The following IFT57 variants were observed in gnomAD, a reference collection of about 807,000 sequenced individuals.
IFT57 encodes intraflagellar transport 57.
In IFT57, 59 loss-of-function variants were observed where a neutral mutation model predicts 56.8. That is an observed-to-expected ratio of 1.04 (90% CI 0.84 to 1.29). IFT57 has a LOEUF of 1.29. Among genes scored for constraint, IFT57 ranks in the 50% most tolerant of loss-of-function variants. The pLI is 0.00. For missense variants in IFT57, 470 were observed against 522.1 expected, an observed-to-expected ratio of 0.90 and a Z score of 0.97; for synonymous variants, 209 against 186.1, an observed-to-expected ratio of 1.12 and a Z score of -1.00.
intron 6 of IFT57, among the ~76,000 whole-genome samples, chr3:108,174,423 G>A (rs1318245465): frequency 6.9e-6 from 1 of 144,360 alleles, no homozygotes; most frequent in Admixed American, 6.9e-5. Flanking sequence ...ACATTAAAAG[G>A]AACTGTTCAA....
chr3:108,203,831 G>A (rs1253058990), intron 5 of IFT57, among the ~76,000 whole-genome samples: 1 of 152,206 alleles, frequency 6.6e-6, no homozygotes, highest in Non-Finnish European at 1.5e-5. Flanking sequence ...TGAGAGGACA[G>A]AGAATGATTG....
chr3:108,212,526 C>T (rs2080347888), intron 4 of IFT57, among the ~76,000 whole-genome samples: 1 of 152,170 alleles, frequency 6.6e-6, no homozygotes, highest in South Asian at 2.1e-4. Flanking sequence ...TCACCAGAAG[C>T]AGATGCTGGT....
In IFT57 at chr3:108,214,027, A is replaced by T. The variant is rs772008769; in HGVS notation, c.495-6T>A. ...CTTCTACTGGGTATATTGGCCTAAA[A>T]TAATAAGATTAAACATGAGGTGATA... On this transcript the variant is annotated splice_region_variant and splice_polypyrimidine_tract_variant and intron_variant, in intron 3 of 10. Transcript: ENST00000264538. 1 of 1,522,570 alleles carries T rather than the reference A, an allele frequency of 6.6e-7. No individual in the cohort carries two copies. Among genetic ancestry groups the T allele is most frequent in the Non-Finnish European group, 9.1e-7 (1 of 1,098,626 alleles). The allele number at this position is 1,522,570 out of a possible 1,614,324, so 94.3% of individuals were successfully genotyped here. A position where few individuals can be genotyped will look rare whatever the true frequency, so the allele number is the denominator to read the frequency against.
rs141188925 is a variant in IFT57, at chr3:108,176,695, C to T, written c.778-8831G>A. Among the ~76,000 whole-genome samples the T allele has an allele frequency of 3.8e-3, 572 of 151,962 alleles. 5 individuals carry two copies. Among genetic ancestry groups the T allele is most frequent in the African/African-American group, 0.013 (548 of 41,498 alleles). On this transcript the variant is annotated intron_variant, in intron 6 of 10. Coordinates refer to ENST00000264538, the MANE Select transcript of IFT57 (RefSeq NM_018010.4). Reference sequence around the variant, plus strand: ...GTCCCAAAGAAGGATTTATAGGACTCTCCTTCAAACAAAATGCATAAAGCT... The same window carrying T: ...GTCCCAAAGAAGGATTTATAGGACTTTCCTTCAAACAAAATGCATAAAGCT...
intron 6 of IFT57, among the ~76,000 whole-genome samples, chr3:108,179,489 C>T (rs891372758): frequency 6.6e-6 from 1 of 152,006 alleles, no homozygotes; most frequent in African/African-American, 2.4e-5. Flanking sequence ...CTGTCCTCCA[C>T]AGAAAATCCT....
chr3:108,199,454 G>C (rs1285672712), intron 5 of IFT57, among the ~76,000 whole-genome samples: 2 of 152,162 alleles, frequency 1.3e-5, no homozygotes, highest in Non-Finnish European at 2.9e-5. Context: ...ACTGAAATAG[G>C]AATGAATATA....
chr3:108,200,949 G>T (rs2080275531), intron 5 of IFT57, among the ~76,000 whole-genome samples: 1 of 152,086 alleles, frequency 6.6e-6, no homozygotes, highest in Admixed American at 6.6e-5. Context: ...CCAGTTTCTA[G>T]GAAAGGTAAA....
At chr3:108,183,686 T>C (rs162072) in intron 6 of IFT57, among the ~76,000 whole-genome samples, 152,223 of 152,292 alleles carry the variant, frequency 1, 76,077 homozygotes, top group Non-Finnish European at 1. Flanking sequence ...ACAGTAAGCT[T>C]TGAATAAATA....
intron 6 of IFT57, among the ~76,000 whole-genome samples, chr3:108,170,172 TA>T (rs1209631715): frequency 3.3e-5 from 5 of 151,936 alleles, no homozygotes; most frequent in Non-Finnish European, 7.4e-5. Context: ...TAGAAAGAAA[TA>T]AAGGGTATTC....
chr3:108,195,123 GA>G (rs538967676), intron 5 of IFT57, among the ~76,000 whole-genome samples: 1 of 151,658 alleles, frequency 6.6e-6, no homozygotes, highest in Non-Finnish European at 1.5e-5. Context: ...AACTCAGTAG[GA>G]AAAAAACCCA....
At chr3:108,205,807 A>C (rs1168498690) in intron 5 of IFT57, among the ~76,000 whole-genome samples, 1 of 131,216 alleles carries the variant, frequency 7.6e-6, no homozygotes, top group Non-Finnish European at 1.6e-5. Context: ...ACAAAATATT[A>C]TAGCATATTA....
chr3:108,178,924 A>G (rs938432212), intron 6 of IFT57, among the ~76,000 whole-genome samples: 5 of 145,608 alleles, frequency 3.4e-5, no homozygotes, highest in Admixed American at 6.8e-5. Context: ...TCCAGTAGAA[A>G]TGTGTACATA....
chr3:108,214,810 T>C (rs2080362076), intron 3 of IFT57, among the ~76,000 whole-genome samples: 1 of 152,164 alleles, frequency 6.6e-6, no homozygotes, highest in Non-Finnish European at 1.5e-5. Context: ...AGAAAATTAA[T>C]GTTTTGCCTA....
chr3:108,177,275 C>T (rs55843233), intron 6 of IFT57, among the ~76,000 whole-genome samples: 5,340 of 151,634 alleles, frequency 0.035, 140 homozygotes, highest in Non-Finnish European at 0.052. Context: ...ATTATCTTCC[C>T]AAACATTTAA....
At chr3:108,188,802 A>ACT (rs1166917895) in intron 6 of IFT57, among the ~76,000 whole-genome samples, 11 of 152,292 alleles carry the variant, frequency 7.2e-5, no homozygotes, top group African/African-American at 2.6e-4. Flanking sequence ...TTTGTAAAAG[A>ACT]GTGTGTGTTA....
chr3:108,166,860 C>T lies in IFT57; in HGVS notation c.975G>A (p.Leu325=). The T allele has an allele frequency of 2.5e-6, 4 of 1,608,066 alleles. No individual in the cohort carries two copies. The highest frequency in any genetic ancestry group is 2.5e-6 in the Non-Finnish European group (3 of 1,177,318). Residue 325 remains leucine, a synonymous_variant, in exon 8 of 11, where the codon CTG becomes CTA. Coordinates refer to ENST00000264538, the MANE Select transcript of IFT57 (RefSeq NM_018010.4). ...GAAATCATTCTTAAATTACCTCACTCAGCTGGGCTTGAGCTGCACGATATT... is the reference window on the plus strand; with the variant it reads ...GAAATCATTCTTAAATTACCTCACTTAGCTGGGCTTGAGCTGCACGATATT... The part of the protein sequence containing the change: ...VQEYRAAQAQ[L]SEAKERYQQG...
chr3:108,219,011 T>G (rs1413623742), intron 2 of IFT57, among the ~76,000 whole-genome samples: 2 of 152,146 alleles, frequency 1.3e-5, no homozygotes, highest in African/African-American at 4.8e-5. Context: ...GCCAAAAATA[T>G]CTTACTGCCT....
chr3:108,218,540 C>T lies in IFT57; in HGVS notation c.489G>A (p.Trp163Ter). ...EEALKYIGFT[W>*]KRPIYPVEEL... ...TCAGGGTGGGTAATTTTTACCTTTT[C>T]CAGGTGAAACCAATATATTTCAATG... Residue 163 changes from tryptophan (W) to a stop codon, truncating the protein, a stop_gained, in exon 3 of 11, where the codon TGG becomes TGA. Transcript: ENST00000264538. LOFTEE classifies it high-confidence loss of function. 6.7e-7 allele frequency: 1 copy of T among 1,496,332 alleles called. No homozygotes were observed. The highest frequency in any genetic ancestry group is 1.4e-5 in the African/African-American group (1 of 69,868). 92.7% of individuals were successfully genotyped at this position (1,496,332 alleles called of 1,614,324 possible).
At chr3:108,206,104 AAT>A (rs928774036) in intron 5 of IFT57, among the ~76,000 whole-genome samples, 1 of 135,024 alleles carries the variant, frequency 7.4e-6, no homozygotes, top group African/African-American at 2.8e-5. Context: ...ATTGATATAT[AAT>A]ATATATGGTG....
Sources: gnomAD v4.1 joint callset for allele counts (sites outside exome capture counted in the v4.1 genomes callset) on GRCh38, gnomAD v4.1.1 for gene constraint, MANE v1.5 for transcripts, NCBI Gene and HGNC (gene_info 2026-07-23, HGNC 2026-07-21) for gene names.